Variants in PHF14 observed in about 807,000 individuals in gnomAD.
The protein encoded by PHF14 is PHD finger protein 14.
In PHF14, 55 loss-of-function variants were observed where a neutral mutation model predicts 117.9. The observed-to-expected ratio is 0.47, with a 90% confidence interval of 0.38 to 0.58. The LOEUF is 0.58. PHF14 is among the 20% of genes least tolerant of loss of function. The pLI is 0.00. For synonymous variants in PHF14, 409 were observed against 368.6 expected (o/e 1.11, Z -1.26); for missense variants, 978 against 1,122.2 (o/e 0.87, Z 1.84).
At chr7:11,102,541 A>C (rs1246755071) in intron 16 of PHF14, 7 of 1,611,112 alleles carry the variant, frequency 4.3e-6, no homozygotes, top group African/African-American at 1.3e-5. Context: ...CAATCCCGGA[A>C]ACCTCTTTTA....
chr7:11,105,704 T>TA, intron 16 of PHF14: 1 of 984,650 alleles, frequency 1.0e-6, no homozygotes, highest in African/African-American at 1.7e-5. Flanking sequence ...TATTTCTCTA[T>TA]AAAAGTGGAA....
At chr7:11,103,728 A>C in intron 16 of PHF14, 1 of 984,940 alleles carries the variant, frequency 1.0e-6, no homozygotes, top group Non-Finnish European at 1.2e-6. Flanking sequence ...GATAATCAAA[A>C]GCAATTGTAA....
At chr7:11,135,018 C>T (rs546854132) in intron 17 of PHF14, among the ~76,000 whole-genome samples, 1 of 152,230 alleles carries the variant, frequency 6.6e-6, no homozygotes, top group Middle Eastern at 3.4e-3. Context: ...CTTCTAAGGT[C>T]TCTAACTTCC....
intron 6 of PHF14, among the ~76,000 whole-genome samples, chr7:11,023,362 T>C (rs1203820342): frequency 6.6e-6 from 1 of 152,220 alleles, no homozygotes. Context: ...AAGTGATCTT[T>C]GATGCTGTTA....
intron 5 of PHF14, among the ~76,000 whole-genome samples, chr7:11,017,016 C>T (rs1037667269): frequency 2.6e-5 from 4 of 152,114 alleles, no homozygotes; most frequent in Admixed American, 2.6e-4. Flanking sequence ...TCTTGCTGTG[C>T]CTGGCTTATT....
At chr7:11,087,477 A>T (rs140157371) in intron 16 of PHF14, among the ~76,000 whole-genome samples, 3,043 of 152,282 alleles carry the variant, frequency 0.02, 42 homozygotes, top group Middle Eastern at 0.044. Context: ...GGCATGAGCC[A>T]CTGCGCCTGG....
At position 11,148,114 on chromosome 7, in the gene PHF14, C is replaced by T. The variant is rs115571531; in HGVS notation, c.2773-21302C>T. ...ACATTACAGTACTCCAAGTTACCATCATTCCTGATCTGTTTGCAGTAGACT... is the reference window on the plus strand; with the variant it reads ...ACATTACAGTACTCCAAGTTACCATTATTCCTGATCTGTTTGCAGTAGACT... On this transcript the variant is annotated intron_variant, in intron 17 of 17. Coordinates refer to ENST00000634607, the MANE Select transcript of PHF14 (RefSeq NM_001007157.2). Among the ~76,000 whole-genome samples the T allele has an allele frequency of 5.3e-3, 801 of 152,280 alleles. 7 individuals carry two copies. The highest frequency in any genetic ancestry group is 0.019 in the African/African-American group (776 of 41,558).
intron 5 of PHF14, among the ~76,000 whole-genome samples, chr7:11,021,876 C>G (rs2128318434): frequency 6.6e-6 from 1 of 152,228 alleles, no homozygotes; most frequent in Non-Finnish European, 1.5e-5. Context: ...TCCTCTAAAA[C>G]TCATAATGCA....
intron 17 of PHF14, among the ~76,000 whole-genome samples, chr7:11,121,903 T>G (rs1056815706): frequency 1.3e-5 from 2 of 151,908 alleles, no homozygotes; most frequent in Non-Finnish European, 2.9e-5. Context: ...ACGTACAGGT[T>G]TGTTCCGTAG....
At chr7:11,131,028 A>G (rs1788078912) in intron 17 of PHF14, among the ~76,000 whole-genome samples, 1 of 151,682 alleles carries the variant, frequency 6.6e-6, no homozygotes, top group South Asian at 2.1e-4. Context: ...GTTCTATTGT[A>G]TGGATATGCT....
intron 2 of PHF14, among the ~76,000 whole-genome samples, chr7:10,975,635 C>G (rs1165428986): frequency 1.3e-5 from 2 of 151,988 alleles, no homozygotes; most frequent in African/African-American, 4.8e-5. Flanking sequence ...TTGAAGGAAT[C>G]TGAGAAACAA....
intron 2 of PHF14, among the ~76,000 whole-genome samples, chr7:10,976,887 A>G (rs10085765): frequency 0.013 from 1,998 of 149,472 alleles, 40 homozygotes; most frequent in African/African-American, 0.047. Context: ...GGGGAGCTTA[A>G]ATTTGTGATC....
At chr7:11,018,030 T>C (rs964527796) in intron 5 of PHF14, among the ~76,000 whole-genome samples, 1 of 152,100 alleles carries the variant, frequency 6.6e-6, no homozygotes, top group African/African-American at 2.4e-5. Flanking sequence ...TCTTTTCCCA[T>C]ATATATGTTC....
Position 10,974,254 on chromosome 7 carries a change from C to G in PHF14, c.-70C>G. The G allele has an allele frequency of 7.1e-7, 1 of 1,414,298 alleles. No individual in the cohort carries two copies. Among genetic ancestry groups the G allele is most frequent in the Non-Finnish European group, 9.8e-7 (1 of 1,021,282 alleles). The allele number at this position is 1,414,298 out of a possible 1,614,324, so 87.6% of individuals were successfully genotyped here. A position where few individuals can be genotyped will look rare whatever the true frequency, so the allele number is the denominator to read the frequency against. On this transcript the variant is annotated 5_prime_UTR_variant, in exon 1 of 18. Transcript: ENST00000634607. ...TTGTCTTCGCGGCCCCAGTCCCCGA[C>G]CTCGGCGCTGCCTGGGCTCCTGCAG...
Position 11,050,911 on chromosome 7 carries a change from A to G in PHF14, c.2313-701A>G, listed in dbSNP as rs543752612. On this transcript the variant is annotated intron_variant, in intron 13 of 17. Transcript: ENST00000634607. ...TTCTTTAAGTAGTATATTCAGCACA[A>G]GTTGTCACTGACTACAATTAAAAGA... 1.8e-3 allele frequency among the ~76,000 whole-genome samples: 272 copies of G among 152,250 alleles called. 1 individual carries two copies. The highest frequency in any genetic ancestry group is 3.3e-3 in the Non-Finnish European group (222 of 68,032).
intron 17 of PHF14, among the ~76,000 whole-genome samples, chr7:11,119,713 T>C (rs1483469537): frequency 6.6e-6 from 1 of 151,922 alleles, no homozygotes; most frequent in Non-Finnish European, 1.5e-5. Flanking sequence ...TGTTAAAAAA[T>C]ATTGTTTCCA....
chr7:11,051,923 A>G (rs1784862125), intron 14 of PHF14, 143 bp downstream of exon 14: 3 of 642,392 alleles, frequency 4.7e-6, no homozygotes, highest in South Asian at 2.3e-5. Context: ...TTTTTTCTAT[A>G]TTATGAAATA....
intron 7 of PHF14, among the ~76,000 whole-genome samples, chr7:11,031,641 C>T (rs889609339): frequency 6.6e-6 from 1 of 151,144 alleles, no homozygotes; most frequent in East Asian, 2.0e-4. Context: ...GTAGTCTGAG[C>T]TACTAGAGAG....
At chr7:11,102,782 T>G in intron 16 of PHF14, 1 of 1,362,122 alleles carries the variant, frequency 7.3e-7, no homozygotes, top group Non-Finnish European at 9.5e-7. Flanking sequence ...TTTGCACTTA[T>G]CAGAAATATT....
Sources: allele counts gnomAD v4.1 joint callset (sites outside exome capture counted in the v4.1 genomes callset), GRCh38; gene constraint gnomAD v4.1.1; transcripts MANE v1.5; gene names NCBI Gene and HGNC (gene_info 2026-07-23, HGNC 2026-07-21).